Variants in GLDC observed in about 807,000 individuals in gnomAD.
GLDC encodes glycine dehydrogenase (decarboxylating), mitochondrial.
A neutral mutation model predicts 121.3 loss-of-function variants in GLDC; 104 were observed. That is an observed-to-expected ratio of 0.86 (90% CI 0.73 to 1.01). The LOEUF (loss-of-function observed/expected upper bound fraction) is 1.01. Among genes scored for constraint, GLDC ranks in the 50% least tolerant of loss-of-function variants. GLDC has a pLI of 0.00. For synonymous variants in GLDC, 546 were observed against 480.6 expected (o/e 1.14, Z -1.78); for missense variants, 1,429 against 1,306.6 (o/e 1.09, Z -1.44).
At chr9:6,579,278 C>A (rs1244976406) in intron 15 of GLDC, among the ~76,000 whole-genome samples, 1 of 152,064 alleles carries the variant, frequency 6.6e-6, no homozygotes. Context: ...TTAATCATTT[C>A]ATTTTTTACC....
At chr9:6,610,837 C>A (rs1818836776) in intron 3 of GLDC, among the ~76,000 whole-genome samples, 1 of 152,162 alleles carries the variant, frequency 6.6e-6, no homozygotes, top group South Asian at 2.1e-4. Context: ...TGAGCTCAAG[C>A]AATCCACCTG....
chr9:6,536,679 G>A (rs370933864), intron 22 of GLDC, among the ~76,000 whole-genome samples: 1 of 152,172 alleles, frequency 6.6e-6, no homozygotes, highest in East Asian at 1.9e-4. Flanking sequence ...ATGAGACTGG[G>A]ATTTTTCTTT....
At chr9:6,613,848 C>A (rs898917185) in intron 3 of GLDC, among the ~76,000 whole-genome samples, 2 of 152,046 alleles carry the variant, frequency 1.3e-5, no homozygotes, top group Non-Finnish European at 2.9e-5. Context: ...ACGATCTCGG[C>A]CCAGTGCAAC....
rs35374927 is a variant in GLDC, at chr9:6,610,326, C to T, written c.501G>A (p.Glu167=). ...WITQYTPYQP[E]VSQGRLESLL... is the part of the protein sequence containing the mutation. ...AACTCTCCAGCCTCCCCTGAGACAC[C>T]TCAGGCTGGTATGGAGTATACTGGG... Residue 167 remains glutamate (E), a synonymous_variant, in exon 4 of 25, where the codon GAG becomes GAA. Transcript: ENST00000321612. 0.27 allele frequency: 430,050 copies of T among 1,612,998 alleles called. 59,408 individuals are homozygous for T. Among genetic ancestry groups the T allele is most frequent in the Middle Eastern group, 0.29 (1,759 of 6,060 alleles).
At chr9:6,591,337 A>G (rs1485797994) in intron 11 of GLDC, among the ~76,000 whole-genome samples, 1 of 152,182 alleles carries the variant, frequency 6.6e-6, no homozygotes, top group Non-Finnish European at 1.5e-5. Context: ...GTGAGCTCCC[A>G]GAACATCTTC....
At chr9:6,540,240 C>G (rs1817226929) in intron 21 of GLDC, 94 bp from the exon 22 acceptor site, 4 of 845,168 alleles carry the variant, frequency 4.7e-6, no homozygotes, top group Non-Finnish European at 8.2e-6. Context: ...AGTGCATCAG[C>G]TTTTTATGTG....
chr9:6,599,060 T>C (rs1818546527), intron 8 of GLDC, among the ~76,000 whole-genome samples: 1 of 151,890 alleles, frequency 6.6e-6, no homozygotes, highest in African/African-American at 2.4e-5. Flanking sequence ...CGTGGGTGCC[T>C]GTAATCCCAG....
At position 6,607,729 on chromosome 9, in the gene GLDC, G is replaced by A. The variant is rs575058661; in HGVS notation, c.636-1060C>T. Among the ~76,000 whole-genome samples the A allele has an allele frequency of 5.5e-3, 833 of 151,900 alleles. 7 individuals are homozygous for A. Among genetic ancestry groups the A allele is most frequent in the Non-Finnish European group, 7.4e-3 (501 of 67,984 alleles). ...CGCCATCACAGCTCACTGCAACCTC[G>A]ACCTCCAAGGTTCAAGTGCTCCTTC... On this transcript the variant is annotated intron_variant, in intron 4 of 24. Transcript: ENST00000321612.
At chr9:6,630,444 C>T (rs1176534352) in intron 2 of GLDC, among the ~76,000 whole-genome samples, 3 of 152,046 alleles carry the variant, frequency 2.0e-5, no homozygotes, top group Non-Finnish European at 2.9e-5. Flanking sequence ...CCACTAACCG[C>T]GTCAGAGCCT....
chr9:6,610,429 G>C, intron 3 of GLDC, 73 bp from the exon 4 acceptor site: 1 of 1,443,010 alleles, frequency 6.9e-7, no homozygotes, highest in Non-Finnish European at 9.7e-7. Context: ...TATCATTTCA[G>C]AATTCAGTAC....
At chr9:6,603,234 T>TAA (rs536858065) in intron 7 of GLDC, among the ~76,000 whole-genome samples, 7 of 110,094 alleles carry the variant, frequency 6.4e-5, no homozygotes, top group South Asian at 2.9e-4. Context: ...TCTCAAAAAA[T>TAA]AAAAAAAAAA....
chr9:6,584,761 T>A (rs1437347321), intron 15 of GLDC, among the ~76,000 whole-genome samples: 2 of 152,338 alleles, frequency 1.3e-5, no homozygotes, highest in African/African-American at 4.8e-5. Context: ...GCCCCTGCCA[T>A]GCTCAAATCA....
chr9:6,614,283 G>A (rs1474960671), intron 3 of GLDC, among the ~76,000 whole-genome samples: 1 of 152,156 alleles, frequency 6.6e-6, no homozygotes, highest in Non-Finnish European at 1.5e-5. Flanking sequence ...CACACAGACT[G>A]GAGTGCAGTG....
At position 6,541,296 on chromosome 9, in the gene GLDC, C is replaced by G. The variant is rs1223391318; in HGVS notation, c.2570-1150G>C. 3 of 152,104 alleles carry G rather than the reference C, an allele frequency of 2.0e-5. No individual in the cohort carries two copies. In the East Asian group the frequency reaches 5.8e-4, roughly 29 times the overall value. 9.4% of individuals were successfully genotyped at this position (152,104 alleles called of 1,614,324 possible). ...AGACCAATATTCCTCCGGGGCTTCC[C>G]AAATTCCACGGTCCACCAACTGATG... On this transcript the variant is annotated intron_variant, in intron 21 of 24. Coordinates refer to ENST00000321612, the MANE Select transcript of GLDC (RefSeq NM_000170.3).
At chr9:6,634,139 G>A (rs1819450463) in intron 2 of GLDC, among the ~76,000 whole-genome samples, 1 of 151,972 alleles carries the variant, frequency 6.6e-6, no homozygotes, top group African/African-American at 2.4e-5. Flanking sequence ...AGAGGCGGGA[G>A]AATCTTGAAT....
At chr9:6,593,205 A>G (rs1818412615) in intron 9 of GLDC, 5 of 540,846 alleles carry the variant, frequency 9.2e-6, no homozygotes, top group Non-Finnish European at 1.7e-5. Flanking sequence ...TCAACATACA[A>G]TTGCATTACT....
chr9:6,614,001 T>G (rs1425056711), intron 3 of GLDC, among the ~76,000 whole-genome samples: 2 of 152,072 alleles, frequency 1.3e-5, no homozygotes, highest in Middle Eastern at 3.2e-3. Context: ...GGTCTCGAAC[T>G]CCTGACCTCA....
intron 15 of GLDC, among the ~76,000 whole-genome samples, chr9:6,574,210 G>A (rs1440898732): frequency 2.6e-5 from 4 of 152,302 alleles, no homozygotes; most frequent in African/African-American, 9.6e-5. Context: ...GAACTTGTTA[G>A]AAATGCAAAT....
chr9:6,537,655 C>T (rs988142602), intron 22 of GLDC, among the ~76,000 whole-genome samples: 4 of 152,122 alleles, frequency 2.6e-5, no homozygotes, highest in Non-Finnish European at 5.9e-5. Flanking sequence ...GTGGTATGTG[C>T]CTGTAATCCC....
Sources: gnomAD v4.1 joint callset for allele counts (sites outside exome capture counted in the v4.1 genomes callset) on GRCh38, gnomAD v4.1.1 for gene constraint, MANE v1.5 for transcripts, NCBI Gene and HGNC (gene_info 2026-07-23, HGNC 2026-07-21) for gene names.